The following CDH13 variants were observed in gnomAD, a reference collection of about 807,000 sequenced individuals.
CDH13 encodes the protein cadherin-13.
In CDH13, 24 loss-of-function variants were observed where a neutral mutation model predicts 63.8. The ratio of observed to expected loss-of-function variants is 0.38; its 90% confidence interval spans 0.27 to 0.53. The LOEUF (loss-of-function observed/expected upper bound fraction) is 0.53, where lower values mean the gene tolerates loss of function less well. Ranked by LOEUF, CDH13 falls within the 20% of genes least tolerant of loss-of-function variation. The probability of loss-of-function intolerance (pLI) is 0.85; values close to 1 mark genes in which losing one functional copy is unlikely to be tolerated. For missense variants in CDH13, 1,049 were observed against 903.1 expected, an observed-to-expected ratio of 1.16 and a Z score of -2.07; for synonymous variants, 503 against 355.3, an observed-to-expected ratio of 1.42 and a Z score of -4.67.
intron 6 of CDH13, among the ~76,000 whole-genome samples, chr16:83,476,086 C>A (rs866578502): frequency 1.7e-4 from 26 of 152,312 alleles, no homozygotes; most frequent in Admixed American, 9.8e-4. Flanking sequence ...GATAAAAACT[C>A]ATCTTTTATT....
chr16:83,345,141 G>T, intron 6 of CDH13, 135 bp downstream of exon 6: 5 of 960,804 alleles, frequency 5.2e-6, no homozygotes, highest in Non-Finnish European at 6.0e-6. Flanking sequence ...ACTTCCCTGC[G>T]TAGAAGCCAG....
intron 6 of CDH13, among the ~76,000 whole-genome samples, chr16:83,378,130 C>T (rs1056758375): frequency 1.3e-5 from 2 of 152,166 alleles, no homozygotes; most frequent in African/African-American, 4.8e-5. Context: ...GCAGCATCAC[C>T]ATCATCACTA....
intron 11 of CDH13, among the ~76,000 whole-genome samples, chr16:83,769,306 G>A (rs1914607322): frequency 6.6e-6 from 1 of 152,120 alleles, no homozygotes. Flanking sequence ...CAGTCTTCTG[G>A]CCTTAATGTC....
intron 6 of CDH13, among the ~76,000 whole-genome samples, chr16:83,485,396 A>C (rs2073862905): frequency 6.6e-6 from 1 of 152,202 alleles, no homozygotes; most frequent in Admixed American, 6.5e-5. Flanking sequence ...TCAATCATTG[A>C]CATAATCCAA....
At chr16:83,559,181 G>A (rs1456251409) in intron 7 of CDH13, among the ~76,000 whole-genome samples, 1 of 152,236 alleles carries the variant, frequency 6.6e-6, no homozygotes, top group Non-Finnish European at 1.5e-5. Flanking sequence ...AAGCAGTTCT[G>A]TGGGTGAGGA....
chr16:82,729,955 CT>C (rs2151034044), intron 1 of CDH13, among the ~76,000 whole-genome samples: 1 of 152,302 alleles, frequency 6.6e-6, no homozygotes, highest in East Asian at 1.9e-4. Context: ...GAACCAAACT[CT>C]GCTAGCTTTC....
At position 83,344,984 on chromosome 16, in the gene CDH13, C is replaced by A; in HGVS notation, c.759C>A (p.His253Gln). The A allele has an allele frequency of 6.2e-7, 1 of 1,613,954 alleles. No homozygotes were observed. Among genetic ancestry groups the A allele is most frequent in the Non-Finnish European group, 8.5e-7 (1 of 1,179,826 alleles). ...TTCGGGAAGGCCCCTACATCGGCCA[C>A]GTCATGGAAGGGTCACCCACAGGTA... ...PIFREGPYIG[H>Q]VMEGSPTGTT... is the part of the protein sequence containing the mutation. Residue 253 changes from histidine to glutamine, a missense_variant, in exon 6 of 14, where the codon CAC (histidine) becomes CAA (glutamine). Coordinates refer to ENST00000567109, the MANE Select transcript of CDH13 (RefSeq NM_001257.5).
chr16:83,059,600 C>A (rs2031309894), intron 3 of CDH13, among the ~76,000 whole-genome samples: 1 of 152,042 alleles, frequency 6.6e-6, no homozygotes, highest in Non-Finnish European at 1.5e-5. Context: ...GTTTGGCCAC[C>A]AATCTGGGTA....
At chr16:83,272,281 T>A (rs16960061) in intron 5 of CDH13, among the ~76,000 whole-genome samples, 13,751 of 152,194 alleles carry the variant, frequency 0.09, 723 homozygotes, top group East Asian at 0.16. Context: ...CTGTGTAGAA[T>A]TAAGAGGCCA....
chr16:82,841,729 G>C (rs977338629), intron 1 of CDH13, among the ~76,000 whole-genome samples: 12 of 152,092 alleles, frequency 7.9e-5, no homozygotes, highest in Non-Finnish European at 1.5e-5. Context: ...TTGTGGTACA[G>C]TGTTATGATG....
chr16:83,049,810 T>A (rs1454590307), intron 3 of CDH13, among the ~76,000 whole-genome samples: 1 of 152,176 alleles, frequency 6.6e-6, no homozygotes, highest in East Asian at 1.9e-4. Context: ...TACCAACCTG[T>A]GTGCAAATGT....
intron 5 of CDH13, among the ~76,000 whole-genome samples, chr16:83,242,335 T>C (rs1281312096): frequency 6.6e-6 from 1 of 152,190 alleles, no homozygotes; most frequent in Non-Finnish European, 1.5e-5. Flanking sequence ...GAGGTGGCAA[T>C]GACTGAGAGA....
intron 1 of CDH13, among the ~76,000 whole-genome samples, chr16:82,767,221 A>C (rs1228684655): frequency 6.6e-6 from 1 of 152,248 alleles, no homozygotes; most frequent in Non-Finnish European, 1.5e-5. Context: ...ACAAATACAC[A>C]CATCTGTGTA....
chr16:83,751,539 C>A (rs1317721362), intron 11 of CDH13, among the ~76,000 whole-genome samples: 1 of 152,176 alleles, frequency 6.6e-6, no homozygotes, highest in Non-Finnish European at 1.5e-5. Flanking sequence ...CATTAGGCAG[C>A]TGCCGCAGAA....
intron 7 of CDH13, among the ~76,000 whole-genome samples, chr16:83,507,938 A>AG (rs2074441356): frequency 6.6e-6 from 1 of 151,460 alleles, no homozygotes. Context: ...AGGCTGAAGC[A>AG]GGAGAGTCGC....
At chr16:82,739,163 G>A (rs577853125) in intron 1 of CDH13, among the ~76,000 whole-genome samples, 1 of 152,218 alleles carries the variant, frequency 6.6e-6, no homozygotes, top group Non-Finnish European at 1.5e-5. Context: ...TTACAATAAA[G>A]ATAACTTGTT....
At chr16:83,746,245 G>A (rs1166547110) in intron 10 of CDH13, among the ~76,000 whole-genome samples, 1 of 152,128 alleles carries the variant, frequency 6.6e-6, no homozygotes, top group Admixed American at 6.5e-5. Context: ...TCTAGGGGAG[G>A]GTCCTTCCTG....
intron 5 of CDH13, among the ~76,000 whole-genome samples, chr16:83,325,642 C>T (rs191960422): frequency 6.6e-5 from 10 of 152,238 alleles, no homozygotes; most frequent in Non-Finnish European, 1.2e-4. Context: ...AACCATAACT[C>T]GACGACCTCT....
intron 3 of CDH13, among the ~76,000 whole-genome samples, chr16:83,085,302 G>A (rs1029046913): frequency 8.5e-5 from 13 of 152,170 alleles, no homozygotes; most frequent in African/African-American, 2.4e-4. Context: ...AATAGCACAG[G>A]AAAGACCAGC....
Sources: gnomAD v4.1 joint callset for allele counts (sites outside exome capture counted in the v4.1 genomes callset) on GRCh38, gnomAD v4.1.1 for gene constraint, MANE v1.5 for transcripts, NCBI Gene and HGNC (gene_info 2026-07-23, HGNC 2026-07-21) for gene names.